DLC1: variants seen among roughly 807,000 people sequenced by gnomAD.
DLC1 encodes the protein rho GTPase-activating protein 7.
Under a neutral mutation model 140.3 loss-of-function variants are expected in DLC1, and 54 were observed. The observed-to-expected ratio is 0.38, with a 90% CI of 0.31 to 0.48. DLC1 has a LOEUF of 0.48. Ranked by LOEUF, DLC1 falls within the 20% of genes least tolerant of loss-of-function variation. The pLI, the probability that DLC1 is intolerant of heterozygous loss-of-function variation, is 0.96. For missense variants in DLC1, 2,536 were observed against 1,907.0 expected (o/e 1.33, Z -6.14); for synonymous variants, 986 against 728.1 (o/e 1.35, Z -5.70).
At position 13,499,426 on chromosome 8, in the gene DLC1, C is replaced by A. The variant is rs556089862; in HGVS notation, c.646G>T (p.Val216Leu). The A allele has an allele frequency of 8.1e-6, 13 of 1,613,852 alleles. No homozygotes were observed. In the African/African-American group the frequency reaches 1.7e-4, roughly 22 times the overall value. The change falls in exon 2 of 18, where the codon GTG becomes TTG. Residue 216 changes from valine to leucine, a missense_variant. Physicochemically the swap from Val to Leu is conservative, Grantham distance 32. Coordinates refer to ENST00000276297, the MANE Select transcript of DLC1 (RefSeq NM_182643.3). ...PKVNAVDTLN[V>L]KDIAPEKQLL... ...TGTTTCTCAGGTGCAATATCTTTCA[C>A]GTTCAAAGTATCCACTGCATTTACT...
chr8:13,582,878 C>CCATATATACATATATATATATA (rs1461616416), intron 1 of DLC1, among the ~76,000 whole-genome samples: 1 of 103,062 alleles, frequency 9.7e-6, no homozygotes, highest in Non-Finnish European at 1.9e-5. Flanking sequence ...ATACTGTGGT[C>CCATATATACATATATATATATA]TATATATATA....
At chr8:13,577,150 G>A (rs746307512) in intron 1 of DLC1, among the ~76,000 whole-genome samples, 1 of 152,164 alleles carries the variant, frequency 6.6e-6, no homozygotes, top group Non-Finnish European at 1.5e-5. Context: ...TGTTACTGGA[G>A]AAACAGTGGG....
At position 13,099,811 on chromosome 8, in the gene DLC1, G is replaced by T; in HGVS notation, c.2526C>A (p.Ser842Arg). Residue 842 changes from serine to arginine, a missense_variant, in exon 9 of 18, where the codon AGC (serine) becomes AGA (arginine). By Grantham distance (110) the Ser-to-Arg change is moderately radical (BLOSUM62 -1). Coordinates refer to ENST00000276297, the MANE Select transcript of DLC1 (RefSeq NM_182643.3). ...GGCTGATGTGGCCAGGGCCGTGGAA[G>T]CTTCCCGTCCTCCAGTTCACAGAGC... is the stretch of plus-strand genomic sequence containing the variant. The part of the protein sequence containing the change: ...NNGSVNWRTG[S>R]FHGPGHISLR... The T allele has an allele frequency of 6.2e-7, 1 of 1,614,176 alleles. No individual in the cohort carries two copies. The highest frequency in any genetic ancestry group is 8.5e-7 in the Non-Finnish European group (1 of 1,180,040).
chr8:13,444,264 C>G (rs1798678016), intron 2 of DLC1, among the ~76,000 whole-genome samples: 1 of 152,064 alleles, frequency 6.6e-6, no homozygotes, highest in African/African-American at 2.4e-5. Context: ...AACACTTGGA[C>G]ACAGGGTGGG....
intron 1 of DLC1, among the ~76,000 whole-genome samples, chr8:13,509,571 A>C (rs1175920125): frequency 6.6e-6 from 1 of 152,232 alleles, no homozygotes. Flanking sequence ...TTATAGTAAA[A>C]ACATCCTTCA....
chr8:13,237,479 A>G (rs557494988), intron 5 of DLC1, among the ~76,000 whole-genome samples: 1 of 151,780 alleles, frequency 6.6e-6, no homozygotes, highest in South Asian at 2.1e-4. Flanking sequence ...CTTTATTTCA[A>G]TAGTTTTTGA....
At position 13,401,514 on chromosome 8, in the gene DLC1, A is replaced by G. The variant is rs1224966276; in HGVS notation, c.1129T>C (p.Ser377Pro). 1 of 1,612,798 alleles carries G rather than the reference A, an allele frequency of 6.2e-7. No individual in the cohort carries two copies. Among genetic ancestry groups the G allele is most frequent in the Non-Finnish European group, 8.5e-7 (1 of 1,179,986 alleles). The part of the protein sequence containing the change: ...QDIENALSTS[S>P]SPSGTPTNLR... Reference sequence around the variant, plus strand: ...TTTGTTGGTGTGCCTGATGGAGAGGAGCTGGTGCTGAGGGCATTTTCTATG... The same window carrying G: ...TTTGTTGGTGTGCCTGATGGAGAGGGGCTGGTGCTGAGGGCATTTTCTATG... Residue 377 changes from serine (S) to proline (P), a missense_variant, in exon 3 of 18, where the codon TCC (serine) becomes CCC (proline). By Grantham distance (74) the Ser-to-Pro change is moderately conservative. Transcript: ENST00000276297.
intron 5 of DLC1, among the ~76,000 whole-genome samples, chr8:13,156,481 C>G (rs1268494820): frequency 6.6e-6 from 1 of 152,184 alleles, no homozygotes; most frequent in Non-Finnish European, 1.5e-5. Flanking sequence ...GATGAAAACT[C>G]TTCTTTTCCT....
chr8:13,574,626 A>C (rs1215572125), intron 1 of DLC1, among the ~76,000 whole-genome samples: 1 of 152,152 alleles, frequency 6.6e-6, no homozygotes, highest in African/African-American at 2.4e-5. Flanking sequence ...TATACATAAT[A>C]GAAATATTTA....
At chr8:13,491,586 G>T (rs1310889192) in intron 2 of DLC1, among the ~76,000 whole-genome samples, 1 of 152,092 alleles carries the variant, frequency 6.6e-6, no homozygotes, top group Non-Finnish European at 1.5e-5. Context: ...GTATCTTCGG[G>T]ATAACATTTA....
At chr8:13,155,258 G>T (rs1355806957) in intron 5 of DLC1, among the ~76,000 whole-genome samples, 1 of 151,060 alleles carries the variant, frequency 6.6e-6, no homozygotes, top group African/African-American at 2.4e-5. Flanking sequence ...TCTGTTGATG[G>T]TCATTTATAA....
intron 1 of DLC1, among the ~76,000 whole-genome samples, chr8:13,572,217 G>A (rs1009673850): frequency 4.6e-5 from 7 of 151,602 alleles, no homozygotes; most frequent in African/African-American, 2.4e-5. Context: ...AGCCTCCCAA[G>A]CAGCTGGGAC....
At position 13,500,056 on chromosome 8, in the gene DLC1, T is replaced by G. The variant is rs139915215; in HGVS notation, c.16A>C (p.Arg6=). 30 of 1,613,738 alleles carry G rather than the reference T, an allele frequency of 1.9e-5. No homozygotes were observed. In the African/African-American group the frequency reaches 3.3e-4, roughly 18 times the overall value. MSVAI[R]KRSWEEHVTH... is the part of the protein sequence containing the mutation. ...ACATGTTCTTCCCAGCTTCTCTTTCTGATAGCTACAGACATGTCATCGTAG... is the reference window on the plus strand; with the variant it reads ...ACATGTTCTTCCCAGCTTCTCTTTCGGATAGCTACAGACATGTCATCGTAG... Residue 6 remains arginine (R), a synonymous_variant, in exon 2 of 18, where the codon AGA becomes CGA. Transcript: ENST00000276297.
intron 5 of DLC1, among the ~76,000 whole-genome samples, chr8:13,234,766 C>A (rs924021586): frequency 3.9e-5 from 6 of 151,968 alleles, no homozygotes; most frequent in Non-Finnish European, 7.4e-5. Context: ...TCGGATAAAG[C>A]TCATGAATGC....
chr8:13,387,936 GCA>G (rs1387298223), intron 4 of DLC1, among the ~76,000 whole-genome samples: 1 of 152,016 alleles, frequency 6.6e-6, no homozygotes, highest in Admixed American at 6.6e-5. Context: ...ATGGGGATTT[GCA>G]CAGTCTTTGA....
At chr8:13,299,820 A>C (rs966498117) in intron 5 of DLC1, among the ~76,000 whole-genome samples, 3 of 152,188 alleles carry the variant, frequency 2.0e-5, no homozygotes, top group Admixed American at 2.0e-4. Context: ...TGCAAATGGC[A>C]GCCTAAGTAA....
chr8:13,259,191 T>C (rs955297427), intron 5 of DLC1, among the ~76,000 whole-genome samples: 1 of 146,702 alleles, frequency 6.8e-6, no homozygotes, highest in Admixed American at 6.8e-5. Flanking sequence ...ATTACAATTA[T>C]GAAATACCCA....
chr8:13,401,198 T>A (rs1043358118), intron 3 of DLC1, among the ~76,000 whole-genome samples: 2 of 152,222 alleles, frequency 1.3e-5, no homozygotes, highest in African/African-American at 4.8e-5. Context: ...GTTTGATCAC[T>A]ACAAACCATA....
rs1397046892 is a variant in DLC1 at position 13,499,159 on chromosome 8, T to C, written c.913A>G (p.Lys305Glu). The stretch of plus-strand genomic sequence containing the variant: ...TCTGCCTTGACCTTTGGTGGACTTT[T>C]GTTTTGATGTTGTGAAAAACCACTC... ...EKSGFSQHQN[K>E]SPPKVKAEDG... The change falls in exon 2 of 18, where the codon AAA becomes GAA. Residue 305 changes from lysine (K) to glutamate (E), a missense_variant. Coordinates refer to ENST00000276297, the MANE Select transcript of DLC1 (RefSeq NM_182643.3). 1.2e-6 allele frequency: 2 copies of C among 1,614,216 alleles called. No individual in the cohort carries two copies. The highest frequency in any genetic ancestry group is 3.3e-5 in the Admixed American group (2 of 60,034).
Sources: allele counts gnomAD v4.1 joint callset (sites outside exome capture counted in the v4.1 genomes callset), GRCh38; gene constraint gnomAD v4.1.1; transcripts MANE v1.5; gene names NCBI Gene and HGNC (gene_info 2026-07-23, HGNC 2026-07-21).